The following PRKN variants were observed in gnomAD, a reference collection of about 807,000 sequenced individuals.
PRKN encodes the protein E3 ubiquitin-protein ligase parkin.
In PRKN, 56 loss-of-function variants were observed where a neutral mutation model predicts 59.5. The observed-to-expected ratio is 0.94, with a 90% CI of 0.76 to 1.18. PRKN has a LOEUF of 1.18. Among genes scored for constraint, PRKN ranks in the 50% most tolerant of loss-of-function variants. PRKN has a pLI of 0.00. For missense variants in PRKN, 657 were observed against 596.4 expected (o/e 1.10, Z -1.06); for synonymous variants, 250 against 222.1 (o/e 1.13, Z -1.12).
chr6:162,241,035 A>T (rs1463999017), intron 3 of PRKN, among the ~76,000 whole-genome samples: 2 of 152,196 alleles, frequency 1.3e-5, no homozygotes, highest in African/African-American at 2.4e-5. Context: ...GACTTTTTAA[A>T]TTTCCTTTCA....
intron 1 of PRKN, among the ~76,000 whole-genome samples, chr6:162,620,409 T>C (rs1362367641): frequency 1.4e-5 from 2 of 144,152 alleles, no homozygotes; most frequent in Non-Finnish European, 3.1e-5. Context: ...TGTGTAAAAT[T>C]TGATTCTAAA....
chr6:162,492,586 G>A (rs1461936120), intron 1 of PRKN, among the ~76,000 whole-genome samples: 3 of 152,020 alleles, frequency 2.0e-5, no homozygotes, highest in Admixed American at 2.0e-4. Flanking sequence ...ATTGCCTGAG[G>A]TCAGGAGGTC....
intron 3 of PRKN, among the ~76,000 whole-genome samples, chr6:162,213,678 T>C (rs760998381): frequency 3.3e-5 from 5 of 151,790 alleles, no homozygotes; most frequent in Non-Finnish European, 7.4e-5. Flanking sequence ...AAGGCTGCAG[T>C]GAGCTAACAT....
At chr6:161,368,536 C>T (rs1785316058) in intron 10 of PRKN, among the ~76,000 whole-genome samples, 2 of 151,412 alleles carry the variant, frequency 1.3e-5, no homozygotes, top group Admixed American at 1.3e-4. Flanking sequence ...GACTAGGCGA[C>T]AGGGCAAGAA....
chr6:161,898,051 T>G (rs1777726016), intron 6 of PRKN, among the ~76,000 whole-genome samples: 1 of 150,622 alleles, frequency 6.6e-6, no homozygotes, highest in Non-Finnish European at 1.5e-5. Flanking sequence ...AGAACAAATC[T>G]CTGATTATTG....
chr6:162,235,802 CAAAGAAAGAAAG>C lies in PRKN; in HGVS notation c.412+26711_412+26722del, dbSNP rs995003795. 2.2e-5 allele frequency among the ~76,000 whole-genome samples: 3 copies of C among 138,072 alleles called. No homozygotes were observed. The East Asian group carries it at 6.3e-4, about 29-fold the overall frequency. 90.6% of individuals were successfully genotyped at this position (138,072 alleles called of 152,430 possible). ...TGGGTGACAGAGCAAGACTCTGTCTCAAAGAAAGAAAGAAAGAAAGAGAGAGAGAGGGAGGGA... is the reference window on the plus strand; with the variant it reads ...TGGGTGACAGAGCAAGACTCTGTCTCAAAGAAAGAGAGAGAGAGGGAGGGA... On this transcript the variant is annotated intron_variant, in intron 3 of 11. Coordinates refer to ENST00000366898, the MANE Select transcript of PRKN (RefSeq NM_004562.3).
chr6:161,740,270 C>T (rs1456976791), intron 7 of PRKN, among the ~76,000 whole-genome samples: 1 of 152,168 alleles, frequency 6.6e-6, no homozygotes, highest in Admixed American at 6.5e-5. Context: ...CGAATGGGAG[C>T]TATGCATACG....
Position 161,773,920 on chromosome 6 carries a change from G to A in PRKN, c.871+11852C>T, listed in dbSNP as rs114337075. The stretch of plus-strand genomic sequence containing the variant: ...AAGTTGTCTTGGCGTTCCTCCCAGA[G>A]AGGAAGGGAGTGATGCTGCTGGAGC... On this transcript the variant is annotated intron_variant, in intron 7 of 11. Transcript: ENST00000366898. 5.9e-3 allele frequency among the ~76,000 whole-genome samples: 903 copies of A among 152,282 alleles called. 12 individuals are homozygous for A. The highest frequency in any genetic ancestry group is 0.021 in the African/African-American group (861 of 41,552).
intron 2 of PRKN, among the ~76,000 whole-genome samples, chr6:162,292,239 C>CA (rs770032781): frequency 4.3e-4 from 66 of 152,254 alleles, no homozygotes; most frequent in Non-Finnish European, 6.5e-4. Context: ...GCTGGGATTA[C>CA]AGGTGTGAGC....
At chr6:162,698,927 C>G (rs1778060195) in intron 1 of PRKN, among the ~76,000 whole-genome samples, 1 of 152,020 alleles carries the variant, frequency 6.6e-6, no homozygotes, top group South Asian at 2.1e-4. Flanking sequence ...AAAGCCAGAC[C>G]CAACAATAGA....
chr6:161,610,228 C>A (rs1021172615), intron 7 of PRKN, among the ~76,000 whole-genome samples: 6 of 152,158 alleles, frequency 3.9e-5, no homozygotes, highest in Admixed American at 6.5e-5. Context: ...TGCATGGGAG[C>A]TGGCCTGTGG....
intron 5 of PRKN, among the ~76,000 whole-genome samples, 155 bp from the exon 6 acceptor site, chr6:161,973,572 G>A (rs541299375): frequency 1.3e-5 from 2 of 152,300 alleles, no homozygotes; most frequent in Admixed American, 6.5e-5. Context: ...TCCCAGGAAC[G>A]GATGACCTTG....
chr6:162,537,556 T>C (rs1778768538), intron 1 of PRKN, among the ~76,000 whole-genome samples: 1 of 152,184 alleles, frequency 6.6e-6, no homozygotes, highest in South Asian at 2.1e-4. Flanking sequence ...TCTTTCCCAC[T>C]GCCACCTCCT....
At chr6:162,296,766 A>C (rs750466238) in intron 2 of PRKN, among the ~76,000 whole-genome samples, 1 of 152,326 alleles carries the variant, frequency 6.6e-6, no homozygotes, top group Non-Finnish European at 1.5e-5. Flanking sequence ...AAAAAGGGGA[A>C]GGAAACTCAT....
At position 162,534,291 on chromosome 6, in the gene PRKN, C is replaced by T. The variant is rs1297039888; in HGVS notation, c.8-90818G>A. 2.6e-5 allele frequency among the ~76,000 whole-genome samples: 4 copies of T among 152,168 alleles called. 1 individual carries two copies. The highest frequency in any genetic ancestry group is 5.9e-5 in the Non-Finnish European group (4 of 68,040). ...CTCTAAGCTACTTCATGTCTCTCCA[C>T]TTCCAGAAGCTTCTTCCTGCTGGTA... is the stretch of plus-strand genomic sequence containing the variant. On this transcript the variant is annotated intron_variant, in intron 1 of 11. Coordinates refer to ENST00000366898, the MANE Select transcript of PRKN (RefSeq NM_004562.3).
chr6:162,479,407 T>A (rs571512314), intron 1 of PRKN, among the ~76,000 whole-genome samples: 7 of 152,154 alleles, frequency 4.6e-5, no homozygotes, highest in African/African-American at 1.7e-4. Context: ...TTTTGTATTT[T>A]TAGTAGAGAT....
At chr6:161,661,246 AG>A (rs1190916716) in intron 7 of PRKN, among the ~76,000 whole-genome samples, 5 of 152,168 alleles carry the variant, frequency 3.3e-5, no homozygotes, top group Admixed American at 1.3e-4. Context: ...GGAGTCTGAC[AG>A]GGCCCTCTGA....
chr6:161,925,261 T>C (rs1778925813), intron 6 of PRKN, among the ~76,000 whole-genome samples: 1 of 152,192 alleles, frequency 6.6e-6, no homozygotes, highest in African/African-American at 2.4e-5. Flanking sequence ...TTTGACTTTA[T>C]AGAAATGTTG....
At chr6:162,587,949 A>G (rs1583860853) in intron 1 of PRKN, among the ~76,000 whole-genome samples, 1 of 151,912 alleles carries the variant, frequency 6.6e-6, no homozygotes, top group Admixed American at 6.6e-5. Context: ...AGAAATTTTC[A>G]TATTTTCTTT....
Sources: gnomAD v4.1 joint callset for allele counts (sites outside exome capture counted in the v4.1 genomes callset) on GRCh38, gnomAD v4.1.1 for gene constraint, MANE v1.5 for transcripts, NCBI Gene and HGNC (gene_info 2026-07-23, HGNC 2026-07-21) for gene names.